Variants in YES1 observed in about 807,000 individuals in gnomAD.
YES1 encodes YES proto-oncogene 1, Src family tyrosine kinase.
Under a neutral mutation model 70.4 loss-of-function variants are expected in YES1, and 39 were observed. The observed-to-expected ratio is 0.55, with a 90% CI of 0.43 to 0.72. YES1 has a LOEUF of 0.72. Among genes scored for constraint, YES1 ranks in the 30% least tolerant of loss-of-function variants. YES1 has a pLI of 0.00. For missense variants in YES1, 495 were observed against 644.8 expected, an observed-to-expected ratio of 0.77 and a Z score of 2.52; for synonymous variants, 198 against 218.6, an observed-to-expected ratio of 0.91 and a Z score of 0.83.
chr18:779,518 A>C (rs1206956287), intron 1 of YES1, among the ~76,000 whole-genome samples: 2 of 152,222 alleles, frequency 1.3e-5, no homozygotes, highest in Non-Finnish European at 2.9e-5. Flanking sequence ...AAATGTATTA[A>C]ATTCAACACA....
Position 806,504 on chromosome 18 carries a change from T to C in YES1, c.-9+5610A>G, listed in dbSNP as rs565934525. Among the ~76,000 whole-genome samples, 319 of 152,344 alleles carry C rather than the reference T, an allele frequency of 2.1e-3. 2 individuals are homozygous for C. Among genetic ancestry groups the C allele is most frequent in the African/African-American group, 6.8e-3 (283 of 41,578 alleles). On this transcript the variant is annotated intron_variant, in intron 1 of 11. Transcript: ENST00000314574. ...GGTGTACTCAAAAGATTTGTTTTGT[T>C]TGCGAAAAGTCCATAGCTGTAATTC...
chr18:807,818 G>C (rs942985993), intron 1 of YES1, among the ~76,000 whole-genome samples: 3 of 152,138 alleles, frequency 2.0e-5, no homozygotes, highest in African/African-American at 7.2e-5. Context: ...GGAGAAAGTA[G>C]AGTCCAAAGA....
chr18:791,192 G>A (rs956587105), intron 1 of YES1, among the ~76,000 whole-genome samples: 1 of 151,616 alleles, frequency 6.6e-6, no homozygotes, highest in Admixed American at 6.6e-5. Flanking sequence ...GGAGGTTGCA[G>A]TGAGCCAAGA....
intron 1 of YES1, among the ~76,000 whole-genome samples, chr18:779,651 T>C (rs928102293): frequency 6.6e-6 from 1 of 152,162 alleles, no homozygotes. Context: ...TATCATTCCC[T>C]CTACAAATCC....
At chr18:733,788 A>C (rs2080119599) in intron 10 of YES1, among the ~76,000 whole-genome samples, 1 of 70,442 alleles carries the variant, frequency 1.4e-5, no homozygotes, top group Non-Finnish European at 3.0e-5. Context: ...GTCTCAAAAA[A>C]AAAAAAAAAA....
At chr18:737,589 C>T (rs2080168180) in intron 9 of YES1, 1 of 152,264 alleles carries the variant, frequency 6.6e-6, no homozygotes, top group African/African-American at 2.4e-5. Context: ...AGGTCTCTAT[C>T]AGGCACAACC....
chr18:802,608 T>C (rs1169815645), intron 1 of YES1, among the ~76,000 whole-genome samples: 1 of 151,714 alleles, frequency 6.6e-6, no homozygotes, highest in Non-Finnish European at 1.5e-5. Context: ...TACTATTTAA[T>C]GAAGAAGAAA....
intron 1 of YES1, among the ~76,000 whole-genome samples, chr18:795,912 AACACACACAC>A (rs72204539): frequency 1.2e-4 from 18 of 144,696 alleles, no homozygotes; most frequent in South Asian, 4.4e-4. Flanking sequence ...CCAGAACTTA[AACACACACAC>A]ACACACACAC....
chr18:791,375 G>T (rs1395464302), intron 1 of YES1, among the ~76,000 whole-genome samples: 4 of 152,142 alleles, frequency 2.6e-5, no homozygotes, highest in African/African-American at 9.7e-5. Context: ...TTAGGCAGCT[G>T]CTATGTGCTA....
chr18:744,126 A>G (rs541323522), intron 6 of YES1, among the ~76,000 whole-genome samples: 1 of 151,498 alleles, frequency 6.6e-6, no homozygotes, highest in Non-Finnish European at 1.5e-5. Context: ...ATTGTGCTAA[A>G]TTAGCACTTC....
chr18:734,782 A>C (rs1457980713), intron 10 of YES1, among the ~76,000 whole-genome samples: 1 of 152,214 alleles, frequency 6.6e-6, no homozygotes, highest in Non-Finnish European at 1.5e-5. Flanking sequence ...CCACTATGGA[A>C]AACAGTATGG....
intron 1 of YES1, among the ~76,000 whole-genome samples, chr18:807,574 C>A (rs998343147): frequency 6.6e-6 from 1 of 152,180 alleles, no homozygotes; most frequent in African/African-American, 2.4e-5. Flanking sequence ...AGCTGAGCAG[C>A]ATTTTAGAAG....
intron 1 of YES1, among the ~76,000 whole-genome samples, chr18:768,889 G>C (rs1010356404): frequency 6.6e-6 from 1 of 152,036 alleles, no homozygotes; most frequent in Non-Finnish European, 1.5e-5. Context: ...TTTTAGTAGA[G>C]ACAGGGTTTC....
Position 724,253 on chromosome 18 carries a change from G to C in YES1, c.*171C>G. ...ATAAATTCATCATTGGTACATTAGA[G>C]TTTAATACTTGGGGAAAAAAAAGTG... On this transcript the variant is annotated 3_prime_UTR_variant, in exon 12 of 12. Transcript: ENST00000314574. 1.6e-6 allele frequency: 1 copy of C among 631,140 alleles called. No homozygotes were observed. The highest frequency in any genetic ancestry group is 2.7e-6 in the Non-Finnish European group (1 of 366,064). 39.1% of individuals were successfully genotyped at this position (631,140 alleles called of 1,614,324 possible). A position where few individuals can be genotyped will look rare whatever the true frequency, so the allele number is the denominator to read the frequency against.
chr18:737,218 C>T lies in YES1; in HGVS notation c.1138-257G>A, dbSNP rs563293493. 88 of 279,016 alleles carry T rather than the reference C, an allele frequency of 3.2e-4. 2 individuals are homozygous for T. In the South Asian group the frequency reaches 3.7e-3, roughly 12 times the overall value. 17.3% of individuals were successfully genotyped at this position (279,016 alleles called of 1,614,324 possible). On this transcript the variant is annotated intron_variant, in intron 9 of 11. Coordinates refer to ENST00000314574, the MANE Select transcript of YES1 (RefSeq NM_005433.4). ...CTATAATCCCATTAATTTGGGAGGC[C>T]GAGGCAGGTGGATCATTTGAGGTCA...
intron 1 of YES1, chr18:798,074 G>A (rs988096760): frequency 3.3e-5 from 5 of 152,180 alleles, no homozygotes; most frequent in Admixed American, 6.5e-5. Flanking sequence ...AAAGTGCAAT[G>A]GATGAGCCTC....
At position 743,117 on chromosome 18, in the gene YES1, T is replaced by A; in HGVS notation, c.881-20A>T. ...ATGTTCCTAAAGAAATAACACATTT[T>A]AGGAATTTATATTTTAAAGGATTTT... is the stretch of plus-strand genomic sequence containing the variant. On this transcript the variant is annotated intron_variant, in intron 7 of 11. Coordinates refer to ENST00000314574, the MANE Select transcript of YES1 (RefSeq NM_005433.4). 6.4e-7 allele frequency: 1 copy of A among 1,561,090 alleles called. No homozygotes were observed.
intron 8 of YES1, 81 bp downstream of exon 8, chr18:742,837 C>A: frequency 8.9e-7 from 1 of 1,119,296 alleles, no homozygotes; most frequent in Non-Finnish European, 1.2e-6. Context: ...AATTAGAAAA[C>A]AGTATAAGTC....
At chr18:769,942 T>C (rs1255161873) in intron 1 of YES1, among the ~76,000 whole-genome samples, 3 of 150,102 alleles carry the variant, frequency 2.0e-5, no homozygotes. Context: ...AATTGGGAAG[T>C]ATTCTCTTCC....
Sources: allele counts gnomAD v4.1 joint callset (sites outside exome capture counted in the v4.1 genomes callset), GRCh38; gene constraint gnomAD v4.1.1; transcripts MANE v1.5; gene names NCBI Gene and HGNC (gene_info 2026-07-23, HGNC 2026-07-21).